NSD1: variants seen among roughly 807,000 people sequenced by gnomAD.
The protein encoded by NSD1 is histone-lysine N-methyltransferase, H3 lysine-36 specific.
Under a neutral mutation model 242.7 loss-of-function variants are expected in NSD1, and 26 were observed. That is an observed-to-expected ratio of 0.11 (90% CI 0.08 to 0.15). The LOEUF is 0.15. Ranked by LOEUF, NSD1 falls within the 10% of genes least tolerant of loss-of-function variation. The probability of loss-of-function intolerance (pLI) is 1.00; values close to 1 mark genes in which losing one functional copy is unlikely to be tolerated. For missense variants in NSD1, 2,495 were observed against 3,272.8 expected, an observed-to-expected ratio of 0.76 and a Z score of 5.80; for synonymous variants, 1,106 against 1,178.1, an observed-to-expected ratio of 0.94 and a Z score of 1.25.
At chr5:177,251,577 A>T (rs1232728461) in intron 11 of NSD1, among the ~76,000 whole-genome samples, 153 bp from the exon 12 acceptor site, 1 of 152,254 alleles carries the variant, frequency 6.6e-6, no homozygotes, top group African/African-American at 2.4e-5. Context: ...CACCTTTGTA[A>T]CTAGACTAAA....
intron 5 of NSD1, among the ~76,000 whole-genome samples, chr5:177,213,588 C>T (rs1222792326): frequency 6.6e-6 from 1 of 152,208 alleles, no homozygotes; most frequent in East Asian, 1.9e-4. Context: ...CTGCCTCAGC[C>T]TCCTGAGTAG....
At chr5:177,215,513 T>C (rs1763703059) in intron 5 of NSD1, among the ~76,000 whole-genome samples, 1 of 151,924 alleles carries the variant, frequency 6.6e-6, no homozygotes. Context: ...AGAATGGCAT[T>C]GGTGGAACAT....
chr5:177,139,575 T>C (rs943860326), intron 2 of NSD1, among the ~76,000 whole-genome samples: 1 of 152,338 alleles, frequency 6.6e-6, no homozygotes, highest in African/African-American at 2.4e-5. Flanking sequence ...TTGTTCACAG[T>C]TGATTTAAGT....
chr5:177,246,731 G>A lies in NSD1; in HGVS notation c.4432G>A (p.Ala1478Thr). 2 of 1,614,154 alleles carry A rather than the reference G, an allele frequency of 1.2e-6. No homozygotes were observed. The highest frequency in any genetic ancestry group is 1.7e-6 in the Non-Finnish European group (2 of 1,179,998). ...GAAGCGAAAACGACAGAGGCATGCTGCAGCCAAGATGCAGTGTAAAAAAGT... is the reference window on the plus strand; with the variant it reads ...GAAGCGAAAACGACAGAGGCATGCTACAGCCAAGATGCAGTGTAAAAAAGT... ...PRKRKRQRHA[A>T]AKMQCKKVKN... Residue 1478 changes from alanine to threonine, a missense_variant, in exon 10 of 23, where the codon GCA becomes ACA. Ala to Thr is a moderately conservative substitution (Grantham distance 58). Around this residue, in one of 19 missense-constraint regions of NSD1, gnomAD observed 97 missense variants for 97.7 expected, o/e 0.99. Coordinates refer to ENST00000439151, the MANE Select transcript of NSD1 (RefSeq NM_022455.5).
chr5:177,187,380 C>T (rs1562174502), intron 2 of NSD1, among the ~76,000 whole-genome samples: 1 of 152,174 alleles, frequency 6.6e-6, no homozygotes, highest in East Asian at 1.9e-4. Context: ...GCTGGGATTA[C>T]AGGCATGAGC....
chr5:177,245,548 C>A (rs1028844219), intron 9 of NSD1, among the ~76,000 whole-genome samples: 11 of 152,100 alleles, frequency 7.2e-5, no homozygotes, highest in Non-Finnish European at 1.5e-4. Context: ...TTATGAAATA[C>A]CTCTTAGATT....
chr5:177,191,255 C>G (rs1761675075), intron 2 of NSD1, among the ~76,000 whole-genome samples: 1 of 152,166 alleles, frequency 6.6e-6, no homozygotes, highest in Non-Finnish European at 1.5e-5. Context: ...CAGGCATGAG[C>G]CACTGTGCCC....
chr5:177,204,359 C>CT, intron 4 of NSD1, 67 bp downstream of exon 4: 1 of 1,445,040 alleles, frequency 6.9e-7, no homozygotes, highest in Non-Finnish European at 9.7e-7. Context: ...AAAATGGCCT[C>CT]TTATTTATTT....
At chr5:177,258,381 T>G (rs1210565845) in intron 13 of NSD1, among the ~76,000 whole-genome samples, 2 of 152,104 alleles carry the variant, frequency 1.3e-5, no homozygotes, top group Non-Finnish European at 2.9e-5. Flanking sequence ...TTGTTTGTTT[T>G]TTTAATGAAA....
At chr5:177,197,749 G>A (rs982103684) in intron 3 of NSD1, among the ~76,000 whole-genome samples, 1 of 152,204 alleles carries the variant, frequency 6.6e-6, no homozygotes, top group African/African-American at 2.4e-5. Context: ...GAAGTCTCAC[G>A]TGAGCTGGGA....
rs754585884 is a variant in NSD1, at chr5:177,211,874, CGGT to C, written c.3478_3480del (p.Trp1160del). ...TGTAAATCAAGTGGTGCCTAAAAAG[CGGT>C]GGCAGCGTTTAAACCAAAGGCGCAC... On this transcript the variant is annotated inframe_deletion, in exon 5 of 23. Coordinates refer to ENST00000439151, the MANE Select transcript of NSD1 (RefSeq NM_022455.5). The C allele has an allele frequency of 1.2e-6, 2 of 1,612,118 alleles. No individual in the cohort carries two copies. The highest frequency in any genetic ancestry group is 2.2e-5 in the South Asian group (2 of 90,808).
At chr5:177,277,804 TACTGC>T (rs1238393180) in intron 17 of NSD1, among the ~76,000 whole-genome samples, 1 of 152,196 alleles carries the variant, frequency 6.6e-6, no homozygotes, top group African/African-American at 2.4e-5. Context: ...GTGATTGCAC[TACTGC>T]ACTCCAGTCT....
At position 177,280,816 on chromosome 5, in the gene NSD1, A is replaced by C; in HGVS notation, c.5874A>C (p.Thr1958=). 1 of 1,614,274 alleles carries C rather than the reference A, an allele frequency of 6.2e-7. No homozygotes were observed. The highest frequency in any genetic ancestry group is 8.5e-7 in the Non-Finnish European group (1 of 1,180,050). ...RTLQRGWGLR[T]KTDIKKGEFV... ...TACAGCGGGGTTGGGGTCTACGGAC[A>C]AAAACAGATATTAAAAAGGTTAGAA... Residue 1958 remains threonine, a synonymous_variant, in exon 18 of 23, where the codon ACA becomes ACC. Transcript: ENST00000439151.
intron 3 of NSD1, among the ~76,000 whole-genome samples, chr5:177,192,473 C>T (rs1171437006): frequency 4.6e-5 from 7 of 151,898 alleles, no homozygotes; most frequent in Admixed American, 1.3e-4. Context: ...CTCAGCTTAC[C>T]GCAACCTCTG....
intron 2 of NSD1, among the ~76,000 whole-genome samples, chr5:177,143,040 T>G (rs117489735): frequency 6.6e-6 from 1 of 152,184 alleles, no homozygotes; most frequent in Non-Finnish European, 1.5e-5. Flanking sequence ...GCATGGTGCC[T>G]TCTTTTTACT....
At chr5:177,291,038 A>C (rs749340461) in intron 21 of NSD1, among the ~76,000 whole-genome samples, 1 of 152,214 alleles carries the variant, frequency 6.6e-6, no homozygotes, top group South Asian at 2.1e-4. Flanking sequence ...GTGGACCTCC[A>C]TTAAGCCTTA....
rs1324872520 is a variant in NSD1, at chr5:177,295,201, C to A, written c.7833C>A (p.Pro2611=). ...TCGGGAAGGCCCCAGCCTCCCTCCC[C>A]ACTGAAGAAAAGAAGTTGGTAACCA... The part of the protein sequence containing the change: ...RSLGKAPASL[P]TEEKKLVTTE... The change falls in exon 23 of 23, where the codon CCC becomes CCA. Residue 2611 remains proline, a synonymous_variant. Transcript: ENST00000439151. This position sits in a 1 kb window ranked among gnomAD's most constrained non-coding sequence, Gnocchi z 4.3. The A allele has an allele frequency of 6.2e-7, 1 of 1,614,244 alleles. No homozygotes were observed. The highest frequency in any genetic ancestry group is 1.7e-5 in the Admixed American group (1 of 60,026).
chr5:177,197,027 G>C (rs1454984555), intron 3 of NSD1, among the ~76,000 whole-genome samples: 1 of 152,212 alleles, frequency 6.6e-6, no homozygotes, highest in Non-Finnish European at 1.5e-5. Flanking sequence ...AGCACTTTGG[G>C]AATCCGAGGC....
intron 2 of NSD1, among the ~76,000 whole-genome samples, chr5:177,138,114 CAA>C (rs1013351028): frequency 7.7e-5 from 11 of 143,258 alleles, no homozygotes; most frequent in African/African-American, 2.8e-4. Flanking sequence ...AACAAACAAA[CAA>C]AAAACTGAAA....
Sources: gnomAD v4.1 joint callset for allele counts (sites outside exome capture counted in the v4.1 genomes callset) on GRCh38, gnomAD v4.1.1 for gene constraint, gnomAD v4.1.1 regional missense constraint, Gnocchi (gnomAD v3.1) non-coding constraint, MANE v1.5 for transcripts, NCBI Gene and HGNC (gene_info 2026-07-23, HGNC 2026-07-21) for gene names.